PTPRN2: variants seen among roughly 807,000 people sequenced by gnomAD.
PTPRN2 encodes receptor-type tyrosine-protein phosphatase N2.
PTPRN2 carries 74 observed loss-of-function variants against 118.8 expected under a neutral mutation model. That is an observed-to-expected ratio of 0.62 (90% CI 0.52 to 0.76). The LOEUF (loss-of-function observed/expected upper bound fraction) is 0.76. Ranked by LOEUF, PTPRN2 falls within the 30% of genes least tolerant of loss-of-function variation. PTPRN2 has a pLI of 0.00. For synonymous variants in PTPRN2, 641 were observed against 608.0 expected (o/e 1.05, Z -0.80); for missense variants, 1,481 against 1,394.4 (o/e 1.06, Z -0.99).
intron 11 of PTPRN2, among the ~76,000 whole-genome samples, chr7:157,942,629 C>T (rs1051151964): frequency 5.3e-5 from 8 of 152,106 alleles, no homozygotes; most frequent in South Asian, 4.1e-4. Flanking sequence ...AACTTCTCCG[C>T]GTTCACCTGT....
At chr7:157,894,081 TGA>T (rs1796966350) in intron 12 of PTPRN2, among the ~76,000 whole-genome samples, 1 of 152,208 alleles carries the variant, frequency 6.6e-6, no homozygotes. Flanking sequence ...AAAACCTGCC[TGA>T]CGCATATAAA....
At position 158,133,959 on chromosome 7, in the gene PTPRN2, C is replaced by T. The variant is rs2150440458; in HGVS notation, c.1274G>A (p.Arg425Lys). The change falls in exon 9 of 23, where the codon AGG becomes AAG. Residue 425 changes from arginine (R) to lysine (K), a missense_variant. Arg to Lys is a conservative substitution (Grantham distance 26). This residue lies in a region of PTPRN2 where 1,115 missense variants were observed against 994.2 expected (regional missense o/e 1.12). Transcript: ENST00000389418. Reference protein sequence around the residue: ...LPFARPLDMERKKSEHPESSL... With the variant: ...LPFARPLDMEKKKSEHPESSL... ...AGACTCAGGGTGCTCGGACTTCTTCCTCTCCATGTCGAGGGGCCTTGCAAA... is the reference window on the plus strand; with the variant it reads ...AGACTCAGGGTGCTCGGACTTCTTCTTCTCCATGTCGAGGGGCCTTGCAAA... 2 of 1,614,030 alleles carry T rather than the reference C, an allele frequency of 1.2e-6. No homozygotes were observed. The highest frequency in any genetic ancestry group is 4.5e-5 in the East Asian group (2 of 44,884).
At chr7:158,178,947 T>C (rs1249369480) in intron 5 of PTPRN2, among the ~76,000 whole-genome samples, 1 of 152,212 alleles carries the variant, frequency 6.6e-6, no homozygotes, top group Non-Finnish European at 1.5e-5. Flanking sequence ...TTTGCAATTG[T>C]GAATTGTGCT....
chr7:158,553,881 A>C (rs1826819656), intron 1 of PTPRN2, among the ~76,000 whole-genome samples: 1 of 148,712 alleles, frequency 6.7e-6, no homozygotes, highest in Admixed American at 6.7e-5. Flanking sequence ...CAGTGTACAC[A>C]ACTTCCCCAT....
intron 5 of PTPRN2, among the ~76,000 whole-genome samples, chr7:158,188,271 CCTGTATGGGGAAG>C: frequency 1.8e-5 from 2 of 110,186 alleles, no homozygotes; most frequent in African/African-American, 3.6e-5. Context: ...ACGCTCGCCC[CCTGTATGGGGAAG>C]GCCGCCACGC....
chr7:157,901,175 C>T (rs1003722723), intron 11 of PTPRN2, among the ~76,000 whole-genome samples: 40 of 152,152 alleles, frequency 2.6e-4, no homozygotes, highest in East Asian at 5.8e-4. Context: ...GTTAAGAGAG[C>T]GAGAAGTCGC....
chr7:158,178,589 CTTTTTT>C (rs56710690), intron 5 of PTPRN2, among the ~76,000 whole-genome samples: 11 of 67,390 alleles, frequency 1.6e-4, no homozygotes, highest in Admixed American at 2.2e-4. Flanking sequence ...CATTTTCTTT[CTTTTTT>C]TTTTTTTTTT....
rs532502074 is a variant in PTPRN2, at chr7:158,561,352, A to G, written c.112+26206T>C. ...CCCTGCCTGAGAAAATCCCCCTGACAGCTCTTCGGGGGTGTGGGGCTCCTT... is the reference window on the plus strand; with the variant it reads ...CCCTGCCTGAGAAAATCCCCCTGACGGCTCTTCGGGGGTGTGGGGCTCCTT... On this transcript the variant is annotated intron_variant, in intron 1 of 22. Transcript: ENST00000389418. 5.9e-5 allele frequency among the ~76,000 whole-genome samples: 9 copies of G among 152,262 alleles called. No individual in the cohort carries two copies. The East Asian group carries it at 1.7e-3, about 29-fold the overall frequency.
intron 11 of PTPRN2, among the ~76,000 whole-genome samples, chr7:158,054,850 C>G (rs1480588262): frequency 1.3e-5 from 2 of 152,210 alleles, no homozygotes; most frequent in Non-Finnish European, 2.9e-5. Flanking sequence ...AATCCATCAC[C>G]AAATCCCACT....
intron 11 of PTPRN2, among the ~76,000 whole-genome samples, chr7:157,991,924 G>A (rs140129075): frequency 1.7e-4 from 26 of 152,156 alleles, no homozygotes; most frequent in African/African-American, 4.6e-4. Context: ...GTCACAGCCC[G>A]TGCCCCTCGC....
At chr7:158,473,450 C>G (rs1820016601) in intron 2 of PTPRN2, among the ~76,000 whole-genome samples, 1 of 152,240 alleles carries the variant, frequency 6.6e-6, no homozygotes, top group South Asian at 2.1e-4. Flanking sequence ...TGCACGGCCT[C>G]TGCTGTGTCT....
rs535149879 is a variant in PTPRN2, at chr7:158,369,827, G to A, written c.164-52895C>T. ...CCCATGTAAATTCTAAAAAGCATCT[G>A]ATTTGTGTTCTCAAATTTAAGAAAA... On this transcript the variant is annotated intron_variant, in intron 2 of 22. Coordinates refer to ENST00000389418, the MANE Select transcript of PTPRN2 (RefSeq NM_002847.5). Among the ~76,000 whole-genome samples the A allele has an allele frequency of 4.6e-5, 7 of 152,320 alleles. No homozygotes were observed. The South Asian group carries it at 8.3e-4, about 18-fold the overall frequency.
chr7:158,375,452 G>A (rs1241222453), intron 2 of PTPRN2, among the ~76,000 whole-genome samples: 3 of 152,202 alleles, frequency 2.0e-5, no homozygotes, highest in Non-Finnish European at 2.9e-5. Flanking sequence ...CAGCCATCTC[G>A]GGGATGTGGT....
intron 12 of PTPRN2, among the ~76,000 whole-genome samples, chr7:157,846,912 G>A (rs1019246821): frequency 2.0e-5 from 3 of 150,188 alleles, no homozygotes; most frequent in African/African-American, 7.4e-5. Flanking sequence ...TCCATCATGT[G>A]TGCCTGATGT....
At chr7:158,100,258 T>C (rs1815122738) in intron 10 of PTPRN2, among the ~76,000 whole-genome samples, 2 of 151,842 alleles carry the variant, frequency 1.3e-5, no homozygotes, top group Admixed American at 1.3e-4. Flanking sequence ...TGTGTGTGTG[T>C]GTGTGTGTGT....
intron 12 of PTPRN2, among the ~76,000 whole-genome samples, chr7:157,843,984 G>C (rs750251256): frequency 2.0e-5 from 3 of 152,224 alleles, no homozygotes; most frequent in African/African-American, 7.2e-5. Flanking sequence ...CCACGGAGAG[G>C]AAAGGTGCAG....
At chr7:158,347,601 C>A (rs1349874527) in intron 2 of PTPRN2, among the ~76,000 whole-genome samples, 2 of 152,060 alleles carry the variant, frequency 1.3e-5, no homozygotes, top group African/African-American at 2.4e-5. Flanking sequence ...TATGTGGTTC[C>A]ATATGAATTT....
Position 157,785,998 on chromosome 7 carries a change from G to A in PTPRN2, c.1789-103061C>T, listed in dbSNP as rs1804012658. ...GCTCTGGGTGCTGCTGCTCCCAGGA[G>A]AGATGGTCCCGTGCAAGTGCCAGGC... On this transcript the variant is annotated intron_variant, in intron 12 of 22. Transcript: ENST00000389418. This position sits in a 1 kb window ranked among gnomAD's most constrained non-coding sequence, Gnocchi z 7.3. Among the ~76,000 whole-genome samples, 1 of 152,188 alleles carries A rather than the reference G, an allele frequency of 6.6e-6. No homozygotes were observed. The highest frequency in any genetic ancestry group is 6.5e-5 in the Admixed American group (1 of 15,288).
At chr7:158,392,402 A>T (rs956676351) in intron 2 of PTPRN2, among the ~76,000 whole-genome samples, 12 of 152,198 alleles carry the variant, frequency 7.9e-5, no homozygotes, top group African/African-American at 2.9e-4. Context: ...TCCATGCGTC[A>T]GCTCACACGA....
Sources: gnomAD v4.1 joint callset for allele counts (sites outside exome capture counted in the v4.1 genomes callset) on GRCh38, gnomAD v4.1.1 for gene constraint, gnomAD v4.1.1 regional missense constraint, Gnocchi (gnomAD v3.1) non-coding constraint, MANE v1.5 for transcripts, NCBI Gene and HGNC (gene_info 2026-07-23, HGNC 2026-07-21) for gene names.